CDH4: variants seen among roughly 807,000 people sequenced by gnomAD.
The protein encoded by CDH4 is cadherin 4.
A neutral mutation model predicts 86.0 loss-of-function variants in CDH4; 33 were observed. That is an observed-to-expected ratio of 0.38 (90% confidence interval 0.29 to 0.51). The LOEUF is 0.51. Ranked by LOEUF, CDH4 falls within the 20% of genes least tolerant of loss-of-function variation. The probability of loss-of-function intolerance (pLI) is 0.86; values close to 1 mark genes in which losing one functional copy is unlikely to be tolerated. For missense variants in CDH4, 1,114 were observed against 1,307.4 expected (o/e 0.85, Z 2.28); for synonymous variants, 555 against 549.4 (o/e 1.01, Z -0.14).
At position 61,796,938 on chromosome 20, in the gene CDH4, G is replaced by A. The variant is rs557747544; in HGVS notation, c.576+23756G>A. On this transcript the variant is annotated intron_variant, in intron 4 of 15. Coordinates refer to ENST00000614565, the MANE Select transcript of CDH4 (RefSeq NM_001794.5). ...CGCTGCCTTCCTGACAGTGAGGCTC[G>A]CGTGCCCATGCCGGCTTGCTTGGGA... 2.0e-4 allele frequency among the ~76,000 whole-genome samples: 31 copies of A among 152,238 alleles called. No individual in the cohort carries two copies. In the East Asian group the frequency reaches 2.7e-3, roughly 13 times the overall value.
chr20:61,923,742 T>C (rs781399207), intron 10 of CDH4, 38 bp downstream of exon 10: 3 of 1,602,520 alleles, frequency 1.9e-6, no homozygotes, highest in South Asian at 2.2e-5. Flanking sequence ...TGCCTGCAGC[T>C]TCCCAGGTTC....
chr20:61,764,390 GTA>G (rs2088673979), intron 3 of CDH4, among the ~76,000 whole-genome samples: 1 of 152,158 alleles, frequency 6.6e-6, no homozygotes, highest in African/African-American at 2.4e-5. Flanking sequence ...CACAATTTAT[GTA>G]TTCTTGAATG....
chr20:61,812,514 G>A (rs892067736), intron 4 of CDH4, among the ~76,000 whole-genome samples: 4 of 151,960 alleles, frequency 2.6e-5, no homozygotes, highest in Non-Finnish European at 4.4e-5. Context: ...TCTCTTTGAC[G>A]TATCCTTTAA....
chr20:61,772,339 T>G (rs142406199), intron 3 of CDH4, among the ~76,000 whole-genome samples: 308 of 152,352 alleles, frequency 2.0e-3, no homozygotes, highest in Middle Eastern at 6.8e-3. Flanking sequence ...TGTTGCAGAT[T>G]TATTTCGCTC....
At chr20:61,406,188 C>T (rs889595789) in intron 2 of CDH4, among the ~76,000 whole-genome samples, 8 of 152,162 alleles carry the variant, frequency 5.3e-5, no homozygotes, top group African/African-American at 1.7e-4. Flanking sequence ...GTCTGGTACA[C>T]CAATACCTGG....
At chr20:61,578,888 C>A (rs1349212734) in intron 2 of CDH4, among the ~76,000 whole-genome samples, 1 of 152,202 alleles carries the variant, frequency 6.6e-6, no homozygotes, top group African/African-American at 2.4e-5. Context: ...ACAACAGACA[C>A]CCTGCCCCAT....
chr20:61,377,069 G>A lies in CDH4; in HGVS notation c.169+122132G>A, dbSNP rs551707229. On this transcript the variant is annotated intron_variant, in intron 2 of 15. Transcript: ENST00000614565. The surrounding 1 kb of genome is among the most constrained non-coding windows in gnomAD (Gnocchi z 4.0). ...ATGAACGTGCACCCACCACCAACAC[G>A]TGAGGGCGGCTGCTGTCCTTCAAGT... 2.8e-4 allele frequency among the ~76,000 whole-genome samples: 42 copies of A among 152,288 alleles called. No homozygotes were observed. Among genetic ancestry groups the A allele is most frequent in the African/African-American group, 9.9e-4 (41 of 41,566 alleles).
chr20:61,567,719 A>T (rs1284458338), intron 2 of CDH4, among the ~76,000 whole-genome samples: 2 of 152,240 alleles, frequency 1.3e-5, no homozygotes, highest in African/African-American at 4.8e-5. Context: ...GTGGTGGCTC[A>T]TGCCAGAATC....
chr20:61,923,444 G>C lies in CDH4; in HGVS notation c.1375-7G>C. 2 of 1,613,974 alleles carry C rather than the reference G, an allele frequency of 1.2e-6. No homozygotes were observed. The highest frequency in any genetic ancestry group is 1.7e-6 in the Non-Finnish European group (2 of 1,179,922). On this transcript the variant is annotated splice_polypyrimidine_tract_variant and splice_region_variant and intron_variant, in intron 9 of 15. Transcript: ENST00000614565. ...AGGTCACTCCCAGCCCTGATCTGTTGTTCCAGGCAGTCGACTACGAGCTCA... is the reference window on the plus strand; with the variant it reads ...AGGTCACTCCCAGCCCTGATCTGTTCTTCCAGGCAGTCGACTACGAGCTCA...
At chr20:61,695,861 G>A (rs528453676) in intron 2 of CDH4, among the ~76,000 whole-genome samples, 13 of 152,172 alleles carry the variant, frequency 8.5e-5, no homozygotes, top group South Asian at 8.3e-4. Flanking sequence ...TGACTTGGCC[G>A]CCACACTGAG....
chr20:61,566,897 G>A (rs1165901979), intron 2 of CDH4, among the ~76,000 whole-genome samples: 1 of 152,070 alleles, frequency 6.6e-6, no homozygotes, highest in Non-Finnish European at 1.5e-5. Context: ...CAGATAATGC[G>A]GGAATGGACT....
At chr20:61,537,899 C>A (rs7261035) in intron 2 of CDH4, among the ~76,000 whole-genome samples, 4 of 152,028 alleles carry the variant, frequency 2.6e-5, no homozygotes, top group African/African-American at 7.2e-5. Context: ...GCGTGGCCTG[C>A]TGTCTCCAGT....
intron 2 of CDH4, among the ~76,000 whole-genome samples, chr20:61,294,959 C>T (rs756029210): frequency 2.0e-5 from 3 of 152,204 alleles, no homozygotes; most frequent in Non-Finnish European, 2.9e-5. Flanking sequence ...CCCAAAAACA[C>T]GGCTGTGGAG....
At chr20:61,505,187 G>A (rs1056536714) in intron 2 of CDH4, among the ~76,000 whole-genome samples, 13 of 152,170 alleles carry the variant, frequency 8.5e-5, no homozygotes, top group African/African-American at 1.9e-4. Context: ...GTGTTTCACC[G>A]TTTACAGCAA....
chr20:61,690,920 C>T (rs765076644), intron 2 of CDH4, among the ~76,000 whole-genome samples: 9 of 152,288 alleles, frequency 5.9e-5, no homozygotes, highest in Non-Finnish European at 1.0e-4. Context: ...GAGAGGGGCA[C>T]ACTTGGGGGC....
At chr20:61,909,057 C>G (rs1164382039) in intron 8 of CDH4, among the ~76,000 whole-genome samples, 1 of 152,240 alleles carries the variant, frequency 6.6e-6, no homozygotes, top group Non-Finnish European at 1.5e-5. Flanking sequence ...CAGTCACACT[C>G]TGAGGCCTTG....
chr20:61,792,693 C>T (rs555346333), intron 4 of CDH4, among the ~76,000 whole-genome samples: 24 of 151,676 alleles, frequency 1.6e-4, no homozygotes, highest in South Asian at 4.1e-4. Context: ...TCTGATGGCC[C>T]GGGCTGGAGT....
chr20:61,731,715 A>G (rs2088190849), intron 2 of CDH4, among the ~76,000 whole-genome samples: 1 of 152,224 alleles, frequency 6.6e-6, no homozygotes. Flanking sequence ...CATCTGGGAA[A>G]TGCTCCCTTG....
intron 2 of CDH4, among the ~76,000 whole-genome samples, chr20:61,526,562 TATGTATAC>T (rs2085912152): frequency 6.6e-6 from 1 of 151,682 alleles, no homozygotes; most frequent in Non-Finnish European, 1.5e-5. Flanking sequence ...GTTAGTTACA[TATGTATAC>T]ATGTGCCATG....
Sources: allele counts gnomAD v4.1 joint callset (sites outside exome capture counted in the v4.1 genomes callset), GRCh38; gene constraint gnomAD v4.1.1; non-coding constraint Gnocchi (gnomAD v3.1); transcripts MANE v1.5; gene names NCBI Gene and HGNC (gene_info 2026-07-23, HGNC 2026-07-21).